Variants in MOB4 observed in about 807,000 individuals in gnomAD.
The protein encoded by MOB4 is MOB-like protein phocein.
Under a neutral mutation model 32.2 loss-of-function variants are expected in MOB4, and 4 were observed. That is an observed-to-expected ratio of 0.12 (90% confidence interval 0.06 to 0.28). The LOEUF (loss-of-function observed/expected upper bound fraction) is 0.28, where lower values mean the gene tolerates loss of function less well. MOB4 is among the 10% of genes least tolerant of loss of function. MOB4 has a pLI of 1.00. For synonymous variants in MOB4, 88 were observed against 88.1 expected, an observed-to-expected ratio of 1.00 and a Z score of 0.01; for missense variants, 158 against 271.2, an observed-to-expected ratio of 0.58 and a Z score of 2.93.
intron 2 of MOB4, among the ~76,000 whole-genome samples, chr2:197,530,261 C>T (rs2086677353): frequency 6.6e-6 from 1 of 151,166 alleles, no homozygotes; most frequent in Non-Finnish European, 1.5e-5. Flanking sequence ...AGCCACCATG[C>T]CTGGACTCTA....
At chr2:197,533,003 A>T (rs537827677) in intron 2 of MOB4, among the ~76,000 whole-genome samples, 38 of 151,544 alleles carry the variant, frequency 2.5e-4, no homozygotes, top group Non-Finnish European at 4.3e-4. Flanking sequence ...GAAGGCTGAG[A>T]CAACAGGATC....
chr2:197,540,854 A>G (rs1430728311), intron 5 of MOB4, among the ~76,000 whole-genome samples: 1 of 151,264 alleles, frequency 6.6e-6, no homozygotes, highest in Non-Finnish European at 1.5e-5. Context: ...TTTTCTCCTT[A>G]TTTAGTTTTT....
chr2:197,531,321 G>A (rs939142394), intron 2 of MOB4, among the ~76,000 whole-genome samples: 2 of 152,042 alleles, frequency 1.3e-5, no homozygotes, highest in African/African-American at 4.8e-5. Flanking sequence ...TGGGATTACA[G>A]GCGTGAGCCA....
Position 197,548,907 on chromosome 2 carries a change from G to A in MOB4, c.434+492G>A, listed in dbSNP as rs372762097. On this transcript the variant is annotated intron_variant, in intron 6 of 7. Transcript: ENST00000323303. ...TTGAATCTCTATGTTAGTTAGACTCGACCTCCCTTTATGTAGTATGCCTAA... is the reference window on the plus strand; with the variant it reads ...TTGAATCTCTATGTTAGTTAGACTCAACCTCCCTTTATGTAGTATGCCTAA... 7.0e-4 allele frequency among the ~76,000 whole-genome samples: 107 copies of A among 152,098 alleles called. 3 individuals are homozygous for A. The South Asian group carries it at 0.021, about 30-fold the overall frequency.
Position 197,540,253 on chromosome 2 carries a change from A to G in MOB4, c.268-98A>G, listed in dbSNP as rs878872054. ...CTTACAAAAACGTATCCACATTTCT[A>G]ACTTTCTTCTAGAATTTATTATGGA... is the stretch of plus-strand genomic sequence containing the variant. On this transcript the variant is annotated intron_variant, in intron 4 of 7. Coordinates refer to ENST00000323303, the MANE Select transcript of MOB4 (RefSeq NM_015387.5). 4.9e-5 allele frequency: 73 copies of G among 1,497,254 alleles called. No homozygotes were observed. In the South Asian group the frequency reaches 6.2e-4, roughly 13 times the overall value. 92.7% of individuals were successfully genotyped at this position (1,497,254 alleles called of 1,614,324 possible). A position where few individuals can be genotyped will look rare whatever the true frequency, so the allele number is the denominator to read the frequency against.
chr2:197,539,962 GAAATGTGT>G, intron 3 of MOB4, 141 bp from the exon 4 acceptor site: 1 of 732,908 alleles, frequency 1.4e-6, no homozygotes, highest in African/African-American at 1.8e-5. Flanking sequence ...GCCTTTAGAA[GAAATGTGT>G]CATTGTCAGT....
intron 1 of MOB4, chr2:197,516,775 G>T (rs1426303931): frequency 2.1e-6 from 1 of 470,818 alleles, no homozygotes; most frequent in Non-Finnish European, 4.4e-6. Flanking sequence ...TTGCTAATAT[G>T]CGTGAAGCAT....
intron 2 of MOB4, chr2:197,533,925 C>T (rs976799205): frequency 8.4e-6 from 5 of 594,714 alleles, no homozygotes; most frequent in African/African-American, 7.5e-5. Flanking sequence ...TCAGGTACAA[C>T]TCTAAGAGGA....
chr2:197,523,593 A>G, intron 1 of MOB4, 31 bp from the exon 2 acceptor site: 1 of 1,594,740 alleles, frequency 6.3e-7, no homozygotes, highest in Non-Finnish European at 8.5e-7. Flanking sequence ...AGTATTTTGT[A>G]TGTGCTTTAA....
chr2:197,519,067 T>G (rs2086468781), intron 1 of MOB4, among the ~76,000 whole-genome samples: 1 of 151,986 alleles, frequency 6.6e-6, no homozygotes, highest in Non-Finnish European at 1.5e-5. Flanking sequence ...CAATTTTTTT[T>G]GTATTTTTAG....
At chr2:197,525,811 G>A (rs1395430148) in intron 2 of MOB4, among the ~76,000 whole-genome samples, 3 of 152,096 alleles carry the variant, frequency 2.0e-5, no homozygotes, top group Non-Finnish European at 4.4e-5. Flanking sequence ...GAAGATAAAG[G>A]AATATAAACC....
chr2:197,532,770 G>T (rs1237229349), intron 2 of MOB4, among the ~76,000 whole-genome samples: 3 of 152,030 alleles, frequency 2.0e-5, no homozygotes, highest in Non-Finnish European at 2.9e-5. Flanking sequence ...TTAGTAAGTT[G>T]TGCTATTAAG....
At chr2:197,549,573 A>G (rs1014391259) in intron 6 of MOB4, among the ~76,000 whole-genome samples, 5 of 152,076 alleles carry the variant, frequency 3.3e-5, no homozygotes, top group African/African-American at 9.7e-5. Flanking sequence ...TTCTTTTTCT[A>G]TATGGAGTCT....
rs1267264109 is a variant in MOB4 at position 197,551,310 on chromosome 2, G to A, written c.*664G>A. On this transcript the variant is annotated 3_prime_UTR_variant, in exon 8 of 8. Coordinates refer to ENST00000323303, the MANE Select transcript of MOB4 (RefSeq NM_015387.5). ...ACATACAGGATGATCACAATGGTAA[G>A]GCACATAAATTATTTTCCCACTGGA... is the stretch of plus-strand genomic sequence containing the variant. The A allele has an allele frequency of 6.6e-6, 1 of 152,662 alleles. No individual in the cohort carries two copies. Among genetic ancestry groups the A allele is most frequent in the Non-Finnish European group, 1.5e-5 (1 of 68,028 alleles). The allele number at this position is 152,662 out of a possible 1,614,324, so 9.5% of individuals were successfully genotyped here. A position where few individuals can be genotyped will look rare whatever the true frequency, so the allele number is the denominator to read the frequency against.
intron 1 of MOB4, among the ~76,000 whole-genome samples, chr2:197,518,849 G>A (rs556265515): frequency 1.1e-4 from 17 of 152,090 alleles, no homozygotes; most frequent in Middle Eastern, 3.4e-3. Flanking sequence ...TCCACGTCCC[G>A]GGTTCACGCT....
At chr2:197,539,404 C>A (rs1448940712) in intron 3 of MOB4, among the ~76,000 whole-genome samples, 1 of 150,780 alleles carries the variant, frequency 6.6e-6, no homozygotes, top group African/African-American at 2.4e-5. Context: ...CTGCAACCTC[C>A]GACTCCCAGG....
chr2:197,516,453 C>A, intron 1 of MOB4: 1 of 1,184,908 alleles, frequency 8.4e-7, no homozygotes, highest in Non-Finnish European at 1.1e-6. Context: ...CTCGCCTTGC[C>A]CCTGAGCCCC....
At chr2:197,518,147 A>G (rs1432911064) in intron 1 of MOB4, among the ~76,000 whole-genome samples, 1 of 152,102 alleles carries the variant, frequency 6.6e-6, no homozygotes, top group Non-Finnish European at 1.5e-5. Flanking sequence ...GTCTCAAACA[A>G]ACAAACAAAA....
At chr2:197,527,703 C>T (rs958125190) in intron 2 of MOB4, among the ~76,000 whole-genome samples, 3 of 152,090 alleles carry the variant, frequency 2.0e-5, no homozygotes, top group Non-Finnish European at 2.9e-5. Flanking sequence ...AGTGAGCATC[C>T]TTGTCTCATT....
Sources: allele counts gnomAD v4.1 joint callset (sites outside exome capture counted in the v4.1 genomes callset), GRCh38; gene constraint gnomAD v4.1.1; transcripts MANE v1.5; gene names NCBI Gene and HGNC (gene_info 2026-07-23, HGNC 2026-07-21).